Variants in PPP3CC observed in about 807,000 individuals in gnomAD.
PPP3CC encodes protein phosphatase 3 catalytic subunit gamma, also known as serine/threonine-protein phosphatase 2B catalytic subunit gamma isoform.
A neutral mutation model predicts 60.3 loss-of-function variants in PPP3CC; 35 were observed. The ratio of observed to expected loss-of-function variants is 0.58; its 90% CI spans 0.44 to 0.77. The LOEUF is 0.77. PPP3CC is among the 30% of genes least tolerant of loss of function. The pLI is 0.00. For synonymous variants in PPP3CC, 206 were observed against 224.3 expected (o/e 0.92, Z 0.73); for missense variants, 570 against 628.9 (o/e 0.91, Z 1.00).
At chr8:22,525,487 T>TTTTCTTCTTTCTTTC (rs1563779965) in intron 8 of PPP3CC, among the ~76,000 whole-genome samples, 20 of 148,774 alleles carry the variant, frequency 1.3e-4, no homozygotes, top group African/African-American at 5.0e-4. Flanking sequence ...TTCTGCTTCC[T>TTTTCTTCTTTCTTTC]TTTCTTCTTT....
chr8:22,531,070 G>A (rs17060899), intron 10 of PPP3CC, among the ~76,000 whole-genome samples: 1,852 of 152,190 alleles, frequency 0.012, 32 homozygotes, highest in African/African-American at 0.04. Context: ...GTGAATTAAT[G>A]TAAAACCATA....
Position 22,525,524 on chromosome 8 carries a change from T to C in PPP3CC, c.944-1868T>C, listed in dbSNP as rs868855547. On this transcript the variant is annotated intron_variant, in intron 8 of 13. Transcript: ENST00000240139. ...TTTCTTTCTTTCTTTCTTTCTTTCT[T>C]TCTTTCTTTCTTTCTCTCCCTCTCT... 3.7e-5 allele frequency among the ~76,000 whole-genome samples: 4 copies of C among 106,794 alleles called. No homozygotes were observed. In the East Asian group the frequency reaches 1.2e-3, roughly 33 times the overall value. The allele number at this position is 106,794 out of a possible 152,430, so 70.1% of individuals were successfully genotyped here.
chr8:22,514,257 A>AG (rs1839177246), intron 6 of PPP3CC, among the ~76,000 whole-genome samples: 1 of 151,346 alleles, frequency 6.6e-6, no homozygotes, highest in African/African-American at 2.4e-5. Context: ...CCAAAAAAAA[A>AG]AAAAAAAAAA....
intron 1 of PPP3CC, among the ~76,000 whole-genome samples, chr8:22,458,480 C>G (rs1472463645): frequency 1.3e-5 from 2 of 151,820 alleles, no homozygotes; most frequent in African/African-American, 4.8e-5. Flanking sequence ...CAACTGTAAT[C>G]CTAGCTACTT....
intron 12 of PPP3CC, among the ~76,000 whole-genome samples, chr8:22,536,142 A>G (rs1002959359): frequency 1.3e-5 from 2 of 152,236 alleles, no homozygotes; most frequent in African/African-American, 2.4e-5. Context: ...TTGGAAGTAT[A>G]GTTTATTTTC....
chr8:22,478,232 A>C (rs1221076627), intron 3 of PPP3CC, among the ~76,000 whole-genome samples: 2 of 151,344 alleles, frequency 1.3e-5, no homozygotes, highest in Admixed American at 1.3e-4. Flanking sequence ...GCTCAGTGCA[A>C]CCTATGCCTC....
chr8:22,515,568 T>C (rs1356961423), intron 6 of PPP3CC, among the ~76,000 whole-genome samples: 1 of 152,236 alleles, frequency 6.6e-6, no homozygotes, highest in African/African-American at 2.4e-5. Context: ...CATAGTAGTG[T>C]ACTAAACATT....
intron 1 of PPP3CC, among the ~76,000 whole-genome samples, chr8:22,473,354 A>G (rs1251159451): frequency 6.6e-6 from 1 of 152,164 alleles, no homozygotes; most frequent in African/African-American, 2.4e-5. Context: ...AAAATATTAA[A>G]TGAACTTGCT....
intron 1 of PPP3CC, among the ~76,000 whole-genome samples, chr8:22,454,197 T>G (rs1056819323): frequency 2.6e-5 from 4 of 152,246 alleles, no homozygotes; most frequent in African/African-American, 9.6e-5. Flanking sequence ...TATAAGCTTT[T>G]ACGATTTCAA....
At chr8:22,456,312 T>G (rs1837193643) in intron 1 of PPP3CC, among the ~76,000 whole-genome samples, 1 of 152,238 alleles carries the variant, frequency 6.6e-6, no homozygotes, top group Non-Finnish European at 1.5e-5. Flanking sequence ...ATATTGTTTA[T>G]GTAGTCAATG....
chr8:22,493,977 G>A (rs1450851983), intron 3 of PPP3CC, among the ~76,000 whole-genome samples: 1 of 152,058 alleles, frequency 6.6e-6, no homozygotes, highest in Non-Finnish European at 1.5e-5. Flanking sequence ...AGTAATGCCT[G>A]CATGTAGACA....
chr8:22,537,410 T>C (rs1839868230), intron 12 of PPP3CC, among the ~76,000 whole-genome samples: 1 of 151,996 alleles, frequency 6.6e-6, no homozygotes, highest in Admixed American at 6.5e-5. Flanking sequence ...TAATAAGAAG[T>C]GTTGATGAGA....
intron 4 of PPP3CC, among the ~76,000 whole-genome samples, chr8:22,500,875 T>A (rs1445732300): frequency 3.3e-5 from 5 of 152,180 alleles, no homozygotes; most frequent in Non-Finnish European, 7.3e-5. Flanking sequence ...TGGTGTAAGT[T>A]GAGCATGGTG....
At chr8:22,516,983 G>A (rs1263276254) in intron 6 of PPP3CC, among the ~76,000 whole-genome samples, 2 of 152,074 alleles carry the variant, frequency 1.3e-5, no homozygotes, top group African/African-American at 4.8e-5. Flanking sequence ...TCTGAAACAA[G>A]GTTATATATT....
chr8:22,511,018 G>A (rs1038587496), intron 4 of PPP3CC, 68 bp from the exon 5 acceptor site: 8 of 1,497,406 alleles, frequency 5.3e-6, no homozygotes, highest in Admixed American at 1.8e-5. Flanking sequence ...ATATTCTCCT[G>A]GCCTATATCC....
intron 4 of PPP3CC, among the ~76,000 whole-genome samples, chr8:22,507,507 C>G (rs1838958987): frequency 6.6e-6 from 1 of 152,146 alleles, no homozygotes; most frequent in Non-Finnish European, 1.5e-5. Flanking sequence ...TCATTAAGAG[C>G]ATGAACAGGT....
In PPP3CC at chr8:22,441,433, C is replaced by A; in HGVS notation, c.24C>A (p.Leu8=). 6.5e-7 allele frequency: 1 copy of A among 1,546,282 alleles called. No individual in the cohort carries two copies. The highest frequency in any genetic ancestry group is 8.7e-7 in the Non-Finnish European group (1 of 1,146,162). Residue 8 remains leucine (L), a synonymous_variant, in exon 1 of 14, where the codon CTC becomes CTA. Transcript: ENST00000240139. MSGRRFH[L]STTDRVIKAV... ...CCATGTCCGGGAGGCGCTTCCACCT[C>A]TCCACCACCGACCGCGTCATCAAAG...
rs745668350 is a variant in PPP3CC, at chr8:22,518,748, G to A, written c.771-3743G>A. Among the ~76,000 whole-genome samples the A allele has an allele frequency of 7.2e-5, 11 of 152,090 alleles. No individual in the cohort carries two copies. The South Asian group carries it at 1.5e-3, about 20-fold the overall frequency. On this transcript the variant is annotated intron_variant, in intron 6 of 13. Transcript: ENST00000240139. ...GTCGCCCAGGCTGGAGTATAGTGGC[G>A]CGACCTCGGCTCACTGCAACCTCCG...
chr8:22,511,222 C>A lies in PPP3CC; in HGVS notation c.621C>A (p.Asp207Glu), dbSNP rs1839077167. The A allele has an allele frequency of 6.2e-7, 1 of 1,611,476 alleles. No individual in the cohort carries two copies. The highest frequency in any genetic ancestry group is 8.5e-7 in the Non-Finnish European group (1 of 1,178,318). The change falls in exon 5 of 14, where the codon GAC (aspartate) becomes GAA (glutamate). Residue 207 changes from aspartate to glutamate, a missense_variant. Physicochemically the swap from Asp to Glu is conservative, Grantham distance 45 (BLOSUM62 2). Coordinates refer to ENST00000240139, the MANE Select transcript of PPP3CC (RefSeq NM_005605.5). The stretch of plus-strand genomic sequence containing the variant: ...CACCTGAAATTACTTCTTTAGATGA[C>A]ATTAGGAAAGTAAGTAATCTTTTAT... ...GMSPEITSLD[D>E]IRKLDRFTEP... is the part of the protein sequence containing the mutation.
Sources: allele counts gnomAD v4.1 joint callset (sites outside exome capture counted in the v4.1 genomes callset), GRCh38; gene constraint gnomAD v4.1.1; transcripts MANE v1.5; gene names NCBI Gene and HGNC (gene_info 2026-07-23, HGNC 2026-07-21).